KLHL18: variants seen among roughly 807,000 people sequenced by gnomAD.
KLHL18 encodes the protein kelch-like protein 18.
Under a neutral mutation model 58.5 loss-of-function variants are expected in KLHL18, and 38 were observed. The observed-to-expected ratio is 0.65, with a 90% CI of 0.50 to 0.85. KLHL18 has a LOEUF of 0.85. Among genes scored for constraint, KLHL18 ranks in the 40% least tolerant of loss-of-function variants. KLHL18 has a pLI of 0.00. For synonymous variants in KLHL18, 303 were observed against 301.9 expected, an observed-to-expected ratio of 1.00 and a Z score of -0.04; for missense variants, 624 against 778.4, an observed-to-expected ratio of 0.80 and a Z score of 2.36.
Position 47,343,962 on chromosome 3 carries a change from G to C in KLHL18, c.*21G>C. The stretch of plus-strand genomic sequence containing the variant: ...TCTAAGGCAGAGGATGGGATGTGGT[G>C]GGGCAGGGATCTGGTACAGACATAG... On this transcript the variant is annotated 3_prime_UTR_variant, in exon 10 of 10. Coordinates refer to ENST00000232766, the MANE Select transcript of KLHL18 (RefSeq NM_025010.5). 1 of 1,610,082 alleles carries C rather than the reference G, an allele frequency of 6.2e-7. No homozygotes were observed. The highest frequency in any genetic ancestry group is 8.5e-7 in the Non-Finnish European group (1 of 1,179,706).
At chr3:47,299,407 A>C (rs1702964775) in intron 1 of KLHL18, among the ~76,000 whole-genome samples, 1 of 151,998 alleles carries the variant, frequency 6.6e-6, no homozygotes, top group Non-Finnish European at 1.5e-5. Flanking sequence ...TAAAATAATA[A>C]TAAGTTAGTA....
chr3:47,335,201 A>G (rs1447771379), intron 6 of KLHL18, among the ~76,000 whole-genome samples: 2 of 152,178 alleles, frequency 1.3e-5, no homozygotes, highest in Non-Finnish European at 2.9e-5. Flanking sequence ...AGCATCCTTC[A>G]GCCCCGGATA....
chr3:47,293,076 T>C (rs1482571176), intron 1 of KLHL18, among the ~76,000 whole-genome samples: 1 of 152,040 alleles, frequency 6.6e-6, no homozygotes, highest in South Asian at 2.1e-4. Flanking sequence ...CTACCTAGAA[T>C]AGTCAAATTC....
chr3:47,286,950 A>G (rs899380167), intron 1 of KLHL18, among the ~76,000 whole-genome samples: 5 of 152,170 alleles, frequency 3.3e-5, no homozygotes, highest in African/African-American at 1.2e-4. Flanking sequence ...GTAAACCTCC[A>G]GTCTTCTGCA....
intron 1 of KLHL18, among the ~76,000 whole-genome samples, chr3:47,300,063 CCT>C (rs992587879): frequency 8.0e-5 from 12 of 150,830 alleles, no homozygotes; most frequent in Non-Finnish European, 1.2e-4. Flanking sequence ...ATACCTCCTC[CCT>C]CTCTCTTTCT....
In KLHL18 at chr3:47,322,693, C is replaced by A. The variant is rs1313726115; in HGVS notation, c.386C>A (p.Thr129Lys). 3 of 1,591,220 alleles carry A rather than the reference C, an allele frequency of 1.9e-6. No individual in the cohort carries two copies. In the African/African-American group the frequency reaches 4.1e-5, roughly 22 times the overall value. The change falls in exon 3 of 10, where the codon ACA becomes AAA. Residue 129 changes from threonine to lysine, a missense_variant. By Grantham distance (78) the Thr-to-Lys change is moderately conservative (BLOSUM62 -1). Transcript: ENST00000232766. ...QLQSIKDACC[T>K]FLRERLHPKN... ...CAGAGCATCAAAGACGCCTGCTGCA[C>A]ATTCCTTCGAGAACGGTGAGGTGAT...
chr3:47,338,063 G>GC (rs1372380759), intron 7 of KLHL18: 1 of 152,100 alleles, frequency 6.6e-6, no homozygotes, highest in Non-Finnish European at 1.5e-5. Flanking sequence ...TTAAATTACA[G>GC]GCTACCTTAA....
chr3:47,283,055 G>C lies in KLHL18; in HGVS notation c.90G>C (p.Glu30Asp), dbSNP rs200266681. 7.5e-6 allele frequency: 12 copies of C among 1,597,398 alleles called. 1 individual carries two copies. In the East Asian group the frequency reaches 1.6e-4, roughly 21 times the overall value. The change falls in exon 1 of 10, where the codon GAG becomes GAC. Residue 30 changes from glutamate to aspartate, a missense_variant. Physicochemically the swap from Glu to Asp is conservative, Grantham distance 45. Transcript: ENST00000232766. ...GTCGCGGCTACGGCGTCATGGAGGA[G>C]ATCCGGCGGCAGGGCAAGCTGTGCG... ...LPSRGYGVMEEIRRQGKLCDV... is the reference protein window; with the variant it reads ...LPSRGYGVMEDIRRQGKLCDV...
At chr3:47,340,133 T>G (rs560874863) in intron 7 of KLHL18, among the ~76,000 whole-genome samples, 1 of 152,318 alleles carries the variant, frequency 6.6e-6, no homozygotes, top group Non-Finnish European at 1.5e-5. Context: ...AACTTTGGCT[T>G]GCTTACCACT....
chr3:47,309,063 A>G (rs113103122), intron 1 of KLHL18, among the ~76,000 whole-genome samples: 2,094 of 152,274 alleles, frequency 0.014, 51 homozygotes, highest in African/African-American at 0.047. Flanking sequence ...CACAGCACAT[A>G]TTTCAGAGAG....
chr3:47,283,996 T>G (rs1702574041), intron 1 of KLHL18, among the ~76,000 whole-genome samples: 1 of 152,170 alleles, frequency 6.6e-6, no homozygotes, highest in African/African-American at 2.4e-5. Flanking sequence ...CCCAGCACTT[T>G]GAGAGGCGAG....
chr3:47,295,642 A>G (rs1315587918), intron 1 of KLHL18, among the ~76,000 whole-genome samples: 6 of 150,460 alleles, frequency 4.0e-5, no homozygotes, highest in Admixed American at 4.0e-4. Flanking sequence ...ATCATAGTTC[A>G]TTGTAACCTC....
intron 7 of KLHL18, chr3:47,338,504 A>C (rs1704035391): frequency 1.3e-5 from 2 of 152,338 alleles, no homozygotes; most frequent in East Asian, 3.9e-4. Context: ...TCTGTGGATC[A>C]GTTTGATTAC....
At chr3:47,310,371 G>T (rs890685212) in intron 1 of KLHL18, among the ~76,000 whole-genome samples, 2 of 152,102 alleles carry the variant, frequency 1.3e-5, no homozygotes, top group African/African-American at 2.4e-5. Flanking sequence ...TTTCCTTTCT[G>T]TGTACCTCCC....
chr3:47,320,856 C>T (rs1329299992), intron 2 of KLHL18, among the ~76,000 whole-genome samples: 3 of 152,108 alleles, frequency 2.0e-5, no homozygotes, highest in Non-Finnish European at 2.9e-5. Flanking sequence ...AAGGCTGCCG[C>T]GAGCTGTGAT....
chr3:47,326,139 G>A (rs1194350232), intron 3 of KLHL18, among the ~76,000 whole-genome samples: 1 of 151,952 alleles, frequency 6.6e-6, no homozygotes, highest in Non-Finnish European at 1.5e-5. Context: ...GTAGAGATGG[G>A]GTTTCACCAT....
rs1006787480 is a variant in KLHL18 at position 47,340,202 on chromosome 3, T to G, written c.1122-370T>G. Among the ~76,000 whole-genome samples the G allele has an allele frequency of 2.6e-5, 4 of 152,118 alleles. No individual in the cohort carries two copies. In the South Asian group the frequency reaches 8.3e-4, roughly 32 times the overall value. On this transcript the variant is annotated intron_variant, in intron 7 of 9. Coordinates refer to ENST00000232766, the MANE Select transcript of KLHL18 (RefSeq NM_025010.5). The stretch of plus-strand genomic sequence containing the variant: ...ATGAATGATTGTAACAACTGCTGAT[T>G]AATAAGCCACTCAGGGAGCGTGGGG...
intron 3 of KLHL18, among the ~76,000 whole-genome samples, chr3:47,326,646 G>A (rs1703728736): frequency 2.0e-5 from 3 of 152,178 alleles, no homozygotes; most frequent in South Asian, 2.1e-4. Flanking sequence ...GGCTGGGTAC[G>A]TTGACTCACG....
rs1357793718 is a variant in KLHL18, at chr3:47,333,232, A to G, written c.676A>G (p.Asn226Asp). The G allele has an allele frequency of 6.2e-7, 1 of 1,614,148 alleles. No homozygotes were observed. Among genetic ancestry groups the G allele is most frequent in the Non-Finnish European group, 8.5e-7 (1 of 1,180,012 alleles). ...RGPYLPELLS[N>D]IRLPLCRPQF... ...TCCCTACCTGCCTGAGCTGCTGTCC[A>G]ATATCCGCCTGCCCCTCTGTCGGCC... The change falls in exon 5 of 10, where the codon AAT (asparagine) becomes GAT (aspartate). Residue 226 changes from asparagine to aspartate, a missense_variant. Transcript: ENST00000232766.
Sources: gnomAD v4.1 joint callset for allele counts (sites outside exome capture counted in the v4.1 genomes callset) on GRCh38, gnomAD v4.1.1 for gene constraint, MANE v1.5 for transcripts, NCBI Gene and HGNC (gene_info 2026-07-23, HGNC 2026-07-21) for gene names.